ME1: variants seen among roughly 807,000 people sequenced by gnomAD.
ME1 encodes the protein NADP-dependent malic enzyme.
A neutral mutation model predicts 66.4 loss-of-function variants in ME1; 74 were observed. That is an observed-to-expected ratio of 1.11 (90% CI 0.92 to 1.35). The LOEUF (loss-of-function observed/expected upper bound fraction) is 1.35. Among genes scored for constraint, ME1 ranks in the 40% most tolerant of loss-of-function variants. The pLI is 0.00. For missense variants in ME1, 750 were observed against 694.1 expected, an observed-to-expected ratio of 1.08 and a Z score of -0.90; for synonymous variants, 251 against 235.6, an observed-to-expected ratio of 1.07 and a Z score of -0.60.
intron 12 of ME1, among the ~76,000 whole-genome samples, chr6:83,217,695 C>A (rs1583323433): frequency 6.6e-6 from 1 of 152,218 alleles, no homozygotes; most frequent in East Asian, 1.9e-4. Flanking sequence ...TACAGGAAAG[C>A]CTGGAGTTAG....
At chr6:83,334,107 G>A (rs917682693) in intron 5 of ME1, among the ~76,000 whole-genome samples, 3 of 152,120 alleles carry the variant, frequency 2.0e-5, no homozygotes, top group African/African-American at 4.8e-5. Flanking sequence ...CAGTGTGTGC[G>A]TGCACCGTGC....
intron 6 of ME1, among the ~76,000 whole-genome samples, chr6:83,283,248 A>AAAAAAAG (rs70987744): frequency 7.2e-6 from 1 of 139,612 alleles, no homozygotes; most frequent in African/African-American, 2.9e-5. Context: ...AAAAAAAAAA[A>AAAAAAAG]TGATGAGTTC....
chr6:83,413,104 T>C (rs1770083657), intron 1 of ME1, among the ~76,000 whole-genome samples: 1 of 152,316 alleles, frequency 6.6e-6, no homozygotes, highest in Non-Finnish European at 1.5e-5. Context: ...CCTCCTAGGC[T>C]CAAGTGATCC....
rs368205740 is a variant in ME1, at chr6:83,282,353, C to T, written c.705-28615G>A. Among the ~76,000 whole-genome samples, 17 of 152,260 alleles carry T rather than the reference C, an allele frequency of 1.1e-4. No individual in the cohort carries two copies. In the East Asian group the frequency reaches 2.3e-3, roughly 21 times the overall value. On this transcript the variant is annotated intron_variant, in intron 6 of 13. Coordinates refer to ENST00000369705, the MANE Select transcript of ME1 (RefSeq NM_002395.6). ...CCTACAGAATAGGAGAAAATTTTTG[C>T]AATCTATCCATCTGACAAAGGGCTA...
intron 3 of ME1, among the ~76,000 whole-genome samples, chr6:83,369,690 A>G (rs947683150): frequency 6.7e-6 from 1 of 150,108 alleles, no homozygotes; most frequent in African/African-American, 2.4e-5. Context: ...GAAGGAAGGA[A>G]GGAAGGAAGG....
intron 6 of ME1, among the ~76,000 whole-genome samples, chr6:83,254,434 A>C (rs1368516748): frequency 6.6e-6 from 1 of 152,128 alleles, no homozygotes; most frequent in East Asian, 1.9e-4. Flanking sequence ...ATCACTTCCC[A>C]AAAGGCCCCA....
At chr6:83,374,138 A>T (rs1270626690) in intron 3 of ME1, among the ~76,000 whole-genome samples, 5 of 152,304 alleles carry the variant, frequency 3.3e-5, no homozygotes, top group Admixed American at 6.5e-5. Flanking sequence ...TGCTGGGTCA[A>T]ATGGTATTTC....
intron 6 of ME1, among the ~76,000 whole-genome samples, chr6:83,288,172 G>T (rs1216275321): frequency 1.3e-5 from 2 of 151,992 alleles, no homozygotes; most frequent in Non-Finnish European, 2.9e-5. Context: ...GATCCAATTT[G>T]TCAATTTTGG....
intron 5 of ME1, among the ~76,000 whole-genome samples, chr6:83,342,689 T>C (rs1437182428): frequency 6.6e-6 from 1 of 152,112 alleles, no homozygotes; most frequent in African/African-American, 2.4e-5. Context: ...GAGTATTATT[T>C]CTTTTCTTTT....
At chr6:83,396,877 G>A (rs566863973) in intron 3 of ME1, among the ~76,000 whole-genome samples, 28 of 152,190 alleles carry the variant, frequency 1.8e-4, no homozygotes, top group Non-Finnish European at 3.4e-4. Flanking sequence ...TTACAAAAGT[G>A]AAATGGAGAA....
chr6:83,316,652 T>G (rs1251734151), intron 5 of ME1, among the ~76,000 whole-genome samples: 1 of 151,678 alleles, frequency 6.6e-6, no homozygotes, highest in Non-Finnish European at 1.5e-5. Flanking sequence ...CACATATAAT[T>G]GTGTACATAG....
rs1384898705 is a variant in ME1 at position 83,223,951 on chromosome 6, AC to A, written c.1276-19del. The A allele has an allele frequency of 6.2e-7, 1 of 1,606,062 alleles. No individual in the cohort carries two copies. The highest frequency in any genetic ancestry group is 1.7e-5 in the Admixed American group (1 of 58,916). On this transcript the variant is annotated intron_variant, in intron 11 of 13. Coordinates refer to ENST00000369705, the MANE Select transcript of ME1 (RefSeq NM_002395.6). The stretch of plus-strand genomic sequence containing the variant: ...GCACGTCCCTACAACAAAGACACAT[AC>A]AACTCACTTTAAAAAGAAGCAGAAT...
chr6:83,327,923 C>T lies in ME1; in HGVS notation c.601-12510G>A, dbSNP rs147112546. Among the ~76,000 whole-genome samples the T allele has an allele frequency of 2.6e-4, 40 of 152,172 alleles. No individual in the cohort carries two copies. In the East Asian group the frequency reaches 7.1e-3, roughly 27 times the overall value. ...CTGTCCCTTTATTTCTCAAGCCAGCCGATGCTTAGGAAAATAGAAAAGAAC... is the reference window on the plus strand; with the variant it reads ...CTGTCCCTTTATTTCTCAAGCCAGCTGATGCTTAGGAAAATAGAAAAGAAC... On this transcript the variant is annotated intron_variant, in intron 5 of 13. Coordinates refer to ENST00000369705, the MANE Select transcript of ME1 (RefSeq NM_002395.6).
chr6:83,422,991 T>TA (rs1770298236), intron 1 of ME1, among the ~76,000 whole-genome samples: 1 of 151,962 alleles, frequency 6.6e-6, no homozygotes, highest in East Asian at 1.9e-4. Flanking sequence ...GACATATACT[T>TA]ACAGAATCAG....
At chr6:83,396,566 A>G (rs1769735069) in intron 3 of ME1, among the ~76,000 whole-genome samples, 1 of 152,246 alleles carries the variant, frequency 6.6e-6, no homozygotes. Flanking sequence ...CTACAGATTC[A>G]GTACAATCCC....
intron 5 of ME1, among the ~76,000 whole-genome samples, chr6:83,326,076 G>C (rs1159149514): frequency 6.6e-6 from 1 of 151,880 alleles, no homozygotes; most frequent in African/African-American, 2.4e-5. Context: ...GAACAGAACA[G>C]AGGCCTCAGA....
chr6:83,344,732 A>G (rs2128543605), intron 5 of ME1, among the ~76,000 whole-genome samples: 1 of 151,796 alleles, frequency 6.6e-6, no homozygotes, highest in Admixed American at 6.6e-5. Flanking sequence ...AAATACAAAA[A>G]ATTCACCGAA....
rs891135313 is a variant in ME1, at chr6:83,223,835, G to C, written c.1374C>G (p.Phe458Leu). The C allele has an allele frequency of 6.2e-7, 1 of 1,613,944 alleles. No homozygotes were observed. The highest frequency in any genetic ancestry group is 1.3e-5 in the African/African-American group (1 of 75,030). Reference sequence around the variant, plus strand: ...CCACAACACCAAGAGCAACTCCAGGGAACACATAGGAATTGTTGCCTTGGC... The same window carrying C: ...CCACAACACCAAGAGCAACTCCAGGCAACACATAGGAATTGTTGCCTTGGC... ...YPGQGNNSYV[F>L]PGVALGVVAC... is the part of the protein sequence containing the mutation. Residue 458 changes from phenylalanine (F) to leucine (L), a missense_variant, in exon 12 of 14, where the codon TTC becomes TTG. Phe to Leu is a conservative substitution (Grantham distance 22). Transcript: ENST00000369705.
At chr6:83,298,336 T>A (rs1437731823) in intron 6 of ME1, among the ~76,000 whole-genome samples, 3 of 152,198 alleles carry the variant, frequency 2.0e-5, no homozygotes, top group East Asian at 1.9e-4. Context: ...TTTTTTCATA[T>A]GTTTGTTGGC....
Sources: gnomAD v4.1 joint callset for allele counts (sites outside exome capture counted in the v4.1 genomes callset) on GRCh38, gnomAD v4.1.1 for gene constraint, MANE v1.5 for transcripts, NCBI Gene and HGNC (gene_info 2026-07-23, HGNC 2026-07-21) for gene names.